SLC16A10: variants seen among roughly 807,000 people sequenced by gnomAD.
SLC16A10 encodes the protein solute carrier family 16 member 10.
Under a neutral mutation model 40.0 loss-of-function variants are expected in SLC16A10, and 27 were observed. The ratio of observed to expected loss-of-function variants is 0.67; its 90% CI spans 0.50 to 0.93. The LOEUF is 0.93. Among genes scored for constraint, SLC16A10 ranks in the 40% least tolerant of loss-of-function variants. The probability of loss-of-function intolerance (pLI) is 0.00; values close to 1 mark genes in which losing one functional copy is unlikely to be tolerated. For missense variants in SLC16A10, 529 were observed against 658.2 expected, an observed-to-expected ratio of 0.80 and a Z score of 2.15; for synonymous variants, 213 against 249.8, an observed-to-expected ratio of 0.85 and a Z score of 1.39.
chr6:111,090,874 A>G (rs764189109), intron 1 of SLC16A10, among the ~76,000 whole-genome samples: 2 of 152,170 alleles, frequency 1.3e-5, no homozygotes, highest in Non-Finnish European at 2.9e-5. Context: ...CATGATGGAT[A>G]ATCCTGGTGT....
rs1770927291 is a variant in SLC16A10, at chr6:111,222,868, A to C, written c.*633A>C. 1 of 152,506 alleles carries C rather than the reference A, an allele frequency of 6.6e-6. No homozygotes were observed. Among genetic ancestry groups the C allele is most frequent in the Non-Finnish European group, 1.5e-5 (1 of 68,274 alleles). 9.4% of individuals were successfully genotyped at this position (152,506 alleles called of 1,614,324 possible). On this transcript the variant is annotated 3_prime_UTR_variant, in exon 6 of 6. Coordinates refer to ENST00000368851, the MANE Select transcript of SLC16A10 (RefSeq NM_018593.5). ...ATGTGAGATGAAAAGGATCCCCTCC[A>C]GGAGGATCCTGAGCTGTTCAGAAAT... is the stretch of plus-strand genomic sequence containing the variant.
At chr6:111,153,961 G>A (rs1350181114) in intron 1 of SLC16A10, among the ~76,000 whole-genome samples, 2 of 152,186 alleles carry the variant, frequency 1.3e-5, no homozygotes, top group South Asian at 4.1e-4. Context: ...TGGGGGAAAA[G>A]AGGTGTACAG....
At chr6:111,209,155 T>C (rs1773301870) in intron 4 of SLC16A10, among the ~76,000 whole-genome samples, 1 of 151,910 alleles carries the variant, frequency 6.6e-6, no homozygotes, top group Non-Finnish European at 1.5e-5. Context: ...CAGGGGAGTA[T>C]GGTCATGCCA....
chr6:111,118,166 C>T (rs1386524213), intron 1 of SLC16A10, among the ~76,000 whole-genome samples: 1 of 152,176 alleles, frequency 6.6e-6, no homozygotes, highest in Non-Finnish European at 1.5e-5. Context: ...ATTGCTATCT[C>T]AAGAGAAAAC....
rs1770918896 is a variant in SLC16A10 at position 111,222,473 on chromosome 6, T to G, written c.*238T>G. The stretch of plus-strand genomic sequence containing the variant: ...TATGAAAACGTCTGAAAGTCACATA[T>G]TGTGAAAATTTGAAGCTATCTCAGT... On this transcript the variant is annotated 3_prime_UTR_variant, in exon 6 of 6. Transcript: ENST00000368851. 1 of 402,982 alleles carries G rather than the reference T, an allele frequency of 2.5e-6. No homozygotes were observed. The highest frequency in any genetic ancestry group is 4.2e-6 in the Non-Finnish European group (1 of 235,670). 25.0% of individuals were successfully genotyped at this position (402,982 alleles called of 1,614,324 possible).
chr6:111,094,806 TA>T, intron 1 of SLC16A10, among the ~76,000 whole-genome samples: 1 of 152,146 alleles, frequency 6.6e-6, no homozygotes, highest in African/African-American at 2.4e-5. Context: ...GCCGGCTAAT[TA>T]AAAAAAATTT....
At chr6:111,133,190 A>C (rs923253998) in intron 1 of SLC16A10, among the ~76,000 whole-genome samples, 2 of 152,180 alleles carry the variant, frequency 1.3e-5, no homozygotes, top group Non-Finnish European at 2.9e-5. Flanking sequence ...GTGGTCAAGA[A>C]AGGCAGGAAA....
intron 4 of SLC16A10, among the ~76,000 whole-genome samples, chr6:111,210,747 T>C (rs540424131): frequency 6.2e-4 from 95 of 152,228 alleles, no homozygotes; most frequent in Non-Finnish European, 1.3e-3. Flanking sequence ...TTAAGAGTAG[T>C]GGATTTTGGC....
chr6:111,207,200 G>T (rs910253509), intron 4 of SLC16A10, among the ~76,000 whole-genome samples: 3 of 152,228 alleles, frequency 2.0e-5, no homozygotes, highest in African/African-American at 4.8e-5. Context: ...TTAAACATGA[G>T]AAATTGGCAA....
intron 1 of SLC16A10, among the ~76,000 whole-genome samples, chr6:111,164,090 A>G (rs369552710): frequency 2.0e-5 from 3 of 152,240 alleles, no homozygotes; most frequent in East Asian, 1.9e-4. Flanking sequence ...TTTAGTCAAT[A>G]TGTTCACACA....
chr6:111,187,334 T>C (rs1772916047), intron 3 of SLC16A10, among the ~76,000 whole-genome samples: 1 of 152,164 alleles, frequency 6.6e-6, no homozygotes, highest in Admixed American at 6.5e-5. Context: ...GTTGCAAGGA[T>C]GGTACATGGT....
chr6:111,098,064 T>G (rs1325254964), intron 1 of SLC16A10, among the ~76,000 whole-genome samples: 3 of 152,112 alleles, frequency 2.0e-5, no homozygotes, highest in Non-Finnish European at 4.4e-5. Context: ...CTTAGCACTT[T>G]GGGAGGCCGA....
intron 1 of SLC16A10, among the ~76,000 whole-genome samples, chr6:111,121,722 C>T (rs548734425): frequency 6.6e-5 from 10 of 152,314 alleles, no homozygotes; most frequent in African/African-American, 2.4e-4. Context: ...TAGCAGAGAA[C>T]CAGCCAGGGC....
chr6:111,212,444 G>A (rs755607558), intron 4 of SLC16A10, among the ~76,000 whole-genome samples: 19 of 152,146 alleles, frequency 1.2e-4, no homozygotes, highest in Non-Finnish European at 2.4e-4. Context: ...TAAGAGTTCT[G>A]AATTTAAACT....
intron 1 of SLC16A10, among the ~76,000 whole-genome samples, chr6:111,165,421 A>G (rs1051761475): frequency 6.6e-6 from 1 of 152,240 alleles, no homozygotes; most frequent in Non-Finnish European, 1.5e-5. Context: ...ATCTTTTTCC[A>G]GTGAAACAAG....
intron 4 of SLC16A10, among the ~76,000 whole-genome samples, chr6:111,215,669 C>T (rs1773410360): frequency 6.6e-6 from 1 of 152,102 alleles, no homozygotes; most frequent in Admixed American, 6.5e-5. Flanking sequence ...CCATGTTTAT[C>T]TCCTTTTATG....
At chr6:111,214,921 C>T (rs1277691053) in intron 4 of SLC16A10, among the ~76,000 whole-genome samples, 2 of 151,946 alleles carry the variant, frequency 1.3e-5, no homozygotes, top group Non-Finnish European at 2.9e-5. Flanking sequence ...AGATCAAGAC[C>T]ATCCTGGCTA....
chr6:111,087,547 C>G lies in SLC16A10; in HGVS notation c.-206C>G, dbSNP rs891608634. The G allele has an allele frequency of 9.4e-6, 2 of 211,872 alleles. No homozygotes were observed. Among genetic ancestry groups the G allele is most frequent in the African/African-American group, 2.3e-5 (1 of 42,942 alleles). The allele number at this position is 211,872 out of a possible 1,614,324, so 13.1% of individuals were successfully genotyped here. A position where few individuals can be genotyped will look rare whatever the true frequency, so the allele number is the denominator to read the frequency against. On this transcript the variant is annotated 5_prime_UTR_variant, in exon 1 of 6. Transcript: ENST00000368851. Reference sequence around the variant, plus strand: ...TGACCTAGAGGCTTCAGTGTCGATCCCCGAGGTGTTCGCGCGCGCCAGCTG... The same window carrying G: ...TGACCTAGAGGCTTCAGTGTCGATCGCCGAGGTGTTCGCGCGCGCCAGCTG...
intron 3 of SLC16A10, among the ~76,000 whole-genome samples, chr6:111,184,585 G>A (rs543354749): frequency 6.6e-6 from 1 of 151,846 alleles, no homozygotes; most frequent in Non-Finnish European, 1.5e-5. Context: ...GGGTTCAAGC[G>A]ATTCTTCTGC....
Sources: gnomAD v4.1 joint callset for allele counts (sites outside exome capture counted in the v4.1 genomes callset) on GRCh38, gnomAD v4.1.1 for gene constraint, MANE v1.5 for transcripts, NCBI Gene and HGNC (gene_info 2026-07-23, HGNC 2026-07-21) for gene names.